Variants in FRMD4A observed in about 807,000 individuals in gnomAD.
FRMD4A encodes FERM domain-containing protein 4A.
FRMD4A carries 29 observed loss-of-function variants against 129.1 expected under a neutral mutation model. That is an observed-to-expected ratio of 0.22 (90% CI 0.17 to 0.31). The LOEUF (loss-of-function observed/expected upper bound fraction) is 0.31. FRMD4A is among the 10% of genes least tolerant of loss of function. FRMD4A has a pLI of 1.00. For missense variants in FRMD4A, 1,272 were observed against 1,375.8 expected (o/e 0.92, Z 1.19); for synonymous variants, 634 against 571.6 (o/e 1.11, Z -1.56).
At chr10:13,648,541 C>A (rs1441936469) in intron 24 of FRMD4A, 1 of 152,110 alleles carries the variant, frequency 6.6e-6, no homozygotes, top group African/African-American at 2.4e-5. Context: ...ATGAGAGTCC[C>A]CCGATCAAAA....
Position 13,902,852 on chromosome 10 carries a change from A to AC in FRMD4A, c.46-43941_46-43940insG, listed in dbSNP as rs1457539380. Among the ~76,000 whole-genome samples, 67 of 146,396 alleles carry AC rather than the reference A, an allele frequency of 4.6e-4. 1 individual carries two copies. Among genetic ancestry groups the AC allele is most frequent in the South Asian group, 2.7e-3 (12 of 4,504 alleles). On this transcript the variant is annotated intron_variant, in intron 2 of 24. Coordinates refer to ENST00000357447, the MANE Select transcript of FRMD4A (RefSeq NM_018027.5). ...GAGATGCAGTCTCAAAAAAAAAAAA[A>AC]AAAAACAACAACAAACAACAGATTC... is the stretch of plus-strand genomic sequence containing the variant.
chr10:13,974,019 C>CTTTTT lies in FRMD4A; in HGVS notation c.46-115112_46-115108dup, dbSNP rs66523920. On this transcript the variant is annotated intron_variant, in intron 2 of 24. Transcript: ENST00000357447. The stretch of plus-strand genomic sequence containing the variant: ...AATTATGGACTGGATAGGGACAGTT[C>CTTTTT]TTTTTTTTTTTTTTTTTTTTCTTTC... Among the ~76,000 whole-genome samples, 767 of 96,568 alleles carry CTTTTT rather than the reference C, an allele frequency of 7.9e-3. 22 individuals carry two copies. The highest frequency in any genetic ancestry group is 0.016 in the African/African-American group (430 of 26,266). The allele number at this position is 96,568 out of a possible 152,430, so 63.4% of individuals were successfully genotyped here.
chr10:14,062,697 A>G (rs1456836401), intron 2 of FRMD4A, among the ~76,000 whole-genome samples: 1 of 152,252 alleles, frequency 6.6e-6, no homozygotes, highest in African/African-American at 2.4e-5. Flanking sequence ...TGAGGGAATT[A>G]TCTCACATAA....
At chr10:14,141,871 G>A (rs1214404896) in intron 2 of FRMD4A, among the ~76,000 whole-genome samples, 2 of 152,162 alleles carry the variant, frequency 1.3e-5, no homozygotes, top group African/African-American at 4.8e-5. Context: ...CAACATTACA[G>A]CTGCTTGTAT....
At position 14,129,824 on chromosome 10, in the gene FRMD4A, G is replaced by A. The variant is rs563939187; in HGVS notation, c.45+200234C>T. Among the ~76,000 whole-genome samples, 41 of 152,298 alleles carry A rather than the reference G, an allele frequency of 2.7e-4. 1 individual carries two copies. In the South Asian group the frequency reaches 5.0e-3, roughly 18 times the overall value. ...TTTAATTAACACTCAACAATGAGAA[G>A]TCAGTGGTTGATATTTGAAACTGGC... On this transcript the variant is annotated intron_variant, in intron 2 of 24. Coordinates refer to ENST00000357447, the MANE Select transcript of FRMD4A (RefSeq NM_018027.5).
chr10:14,302,816 C>T (rs1846228022), intron 2 of FRMD4A, among the ~76,000 whole-genome samples: 1 of 152,140 alleles, frequency 6.6e-6, no homozygotes, highest in African/African-American at 2.4e-5. Context: ...GTCAGGTGGT[C>T]ACCAGCCAAG....
At chr10:13,841,330 G>A (rs1193793869) in intron 3 of FRMD4A, among the ~76,000 whole-genome samples, 2 of 152,182 alleles carry the variant, frequency 1.3e-5, no homozygotes, top group Non-Finnish European at 2.9e-5. Context: ...GGAATTTCCT[G>A]AGTAATAGGA....
intron 2 of FRMD4A, among the ~76,000 whole-genome samples, chr10:13,946,412 C>G (rs967746824): frequency 8.5e-5 from 13 of 152,102 alleles, no homozygotes; most frequent in Admixed American, 7.2e-4. Flanking sequence ...TGTTTTCTCA[C>G]CATAAAAAAA....
chr10:14,155,719 A>T (rs757068856), intron 2 of FRMD4A, among the ~76,000 whole-genome samples: 3 of 152,264 alleles, frequency 2.0e-5, no homozygotes, highest in Non-Finnish European at 4.4e-5. Flanking sequence ...AATTTAAAAA[A>T]TGAAAGTAAA....
intron 3 of FRMD4A, among the ~76,000 whole-genome samples, chr10:13,854,707 C>T (rs1303166411): frequency 3.3e-5 from 5 of 151,708 alleles, no homozygotes; most frequent in Non-Finnish European, 5.9e-5. Flanking sequence ...GCTGGGATTA[C>T]AGGTGTAAGC....
chr10:14,130,291 C>T (rs1367223114), intron 2 of FRMD4A, among the ~76,000 whole-genome samples: 1 of 152,120 alleles, frequency 6.6e-6, no homozygotes, highest in African/African-American at 2.4e-5. Flanking sequence ...CAGATGGTCT[C>T]ACTCTGTTGC....
chr10:13,871,855 C>A (rs566906595), intron 2 of FRMD4A, among the ~76,000 whole-genome samples: 1 of 152,220 alleles, frequency 6.6e-6, no homozygotes, highest in Non-Finnish European at 1.5e-5. Context: ...CACACTGTGC[C>A]TCCCTTGCTA....
At chr10:14,222,838 T>G (rs1843307092) in intron 2 of FRMD4A, among the ~76,000 whole-genome samples, 1 of 152,188 alleles carries the variant, frequency 6.6e-6, no homozygotes, top group South Asian at 2.1e-4. Context: ...TCCCAGCACT[T>G]TAGGAGGTTC....
intron 12 of FRMD4A, among the ~76,000 whole-genome samples, chr10:13,716,369 C>T (rs1414526688): frequency 6.6e-6 from 1 of 152,156 alleles, no homozygotes; most frequent in Non-Finnish European, 1.5e-5. Context: ...ATAATGGGAA[C>T]ATATCAGGCC....
chr10:13,654,307 G>A (rs557536361), intron 23 of FRMD4A, 109 bp downstream of exon 23: 4 of 800,594 alleles, frequency 5.0e-6, no homozygotes, highest in Non-Finnish European at 8.9e-6. Flanking sequence ...ACCTCCCAGT[G>A]ATGAACCCTC....
At chr10:14,189,091 AT>A (rs1842236900) in intron 2 of FRMD4A, among the ~76,000 whole-genome samples, 1 of 152,086 alleles carries the variant, frequency 6.6e-6, no homozygotes, top group Non-Finnish European at 1.5e-5. Context: ...ATGGCTGTGT[AT>A]TTCCACCTCT....
intron 6 of FRMD4A, among the ~76,000 whole-genome samples, chr10:13,763,745 T>A (rs144047245): frequency 2.2e-4 from 33 of 152,332 alleles, no homozygotes; most frequent in African/African-American, 7.2e-4. Context: ...ACAGCTTTTT[T>A]CTTTCTCTGA....
intron 2 of FRMD4A, among the ~76,000 whole-genome samples, chr10:14,123,788 C>A (rs185731860): frequency 6.6e-6 from 1 of 152,294 alleles, no homozygotes; most frequent in Non-Finnish European, 1.5e-5. Flanking sequence ...TGTTACTAAG[C>A]CTTTACATAG....
chr10:14,024,135 A>T (rs1832883522), intron 2 of FRMD4A, among the ~76,000 whole-genome samples: 1 of 152,164 alleles, frequency 6.6e-6, no homozygotes, highest in South Asian at 2.1e-4. Context: ...CCACATCTCT[A>T]CTATTTAATC....
Sources: allele counts gnomAD v4.1 joint callset (sites outside exome capture counted in the v4.1 genomes callset), GRCh38; gene constraint gnomAD v4.1.1; transcripts MANE v1.5; gene names NCBI Gene and HGNC (gene_info 2026-07-23, HGNC 2026-07-21).